BMPR1A: variants seen among roughly 807,000 people sequenced by gnomAD.
The protein encoded by BMPR1A is bone morphogenetic protein receptor type 1A.
A neutral mutation model predicts 66.0 loss-of-function variants in BMPR1A; 7 were observed. That is an observed-to-expected ratio of 0.11 (90% CI 0.06 to 0.20). BMPR1A has a LOEUF of 0.20. Ranked by LOEUF, BMPR1A falls within the 10% of genes least tolerant of loss-of-function variation. BMPR1A has a pLI of 1.00. For missense variants in BMPR1A, 408 were observed against 669.1 expected (o/e 0.61, Z 4.31); for synonymous variants, 200 against 229.7 (o/e 0.87, Z 1.17).
chr10:86,845,358 CTGAGACA>C (rs140454844), intron 2 of BMPR1A, among the ~76,000 whole-genome samples: 1,593 of 152,308 alleles, frequency 0.01, 28 homozygotes, highest in South Asian at 0.079. Context: ...GACAGGGAGC[CTGAGACA>C]TGCATGCACC....
intron 1 of BMPR1A, among the ~76,000 whole-genome samples, chr10:86,821,432 A>G (rs1478236163): frequency 2.0e-5 from 3 of 152,164 alleles, no homozygotes; most frequent in Non-Finnish European, 4.4e-5. Context: ...GCCGTCATTA[A>G]GCGTGTTGTA....
intron 1 of BMPR1A, among the ~76,000 whole-genome samples, chr10:86,824,105 G>GTGTGTT (rs1554882221): frequency 1.4e-5 from 2 of 147,278 alleles, no homozygotes; most frequent in South Asian, 2.2e-4. Flanking sequence ...GTGTGTGTGT[G>GTGTGTT]TGTGTGTTTC....
At chr10:86,757,181 G>A (rs919262844) in intron 1 of BMPR1A, among the ~76,000 whole-genome samples, 5 of 152,130 alleles carry the variant, frequency 3.3e-5, no homozygotes, top group Admixed American at 3.3e-4. Context: ...TTGGGGATGC[G>A]GAGTGGGCGA....
chr10:86,911,239 A>G (rs1033406806), intron 7 of BMPR1A, among the ~76,000 whole-genome samples: 1 of 152,088 alleles, frequency 6.6e-6, no homozygotes, highest in African/African-American at 2.4e-5. Flanking sequence ...AGACAAAAGC[A>G]TGTCAAAAAG....
intron 1 of BMPR1A, among the ~76,000 whole-genome samples, chr10:86,810,976 A>T (rs1233996869): frequency 6.6e-6 from 1 of 151,988 alleles, no homozygotes; most frequent in East Asian, 1.9e-4. Flanking sequence ...TAAACTCCTG[A>T]TCTCAGGTGA....
At chr10:86,923,157 A>G (rs1417290383) in intron 11 of BMPR1A, among the ~76,000 whole-genome samples, 1 of 152,236 alleles carries the variant, frequency 6.6e-6, no homozygotes, top group Non-Finnish European at 1.5e-5. Flanking sequence ...GATGGACTCT[A>G]TCACAGTTGT....
intron 1 of BMPR1A, among the ~76,000 whole-genome samples, chr10:86,759,901 A>G (rs975535739): frequency 6.6e-6 from 1 of 151,626 alleles, no homozygotes; most frequent in Non-Finnish European, 1.5e-5. Flanking sequence ...AATGTTTCAC[A>G]TTTTTTTCAG....
At chr10:86,917,735 C>T (rs1379203600) in intron 9 of BMPR1A, among the ~76,000 whole-genome samples, 1 of 152,210 alleles carries the variant, frequency 6.6e-6, no homozygotes, top group Non-Finnish European at 1.5e-5. Flanking sequence ...TCCACATTTA[C>T]ACAATAGCAA....
rs11202259 is a variant in BMPR1A at position 86,918,892 on chromosome 10, C to G, written c.869-280C>G. Among the ~76,000 whole-genome samples the G allele has an allele frequency of 0.015, 2,251 of 152,266 alleles. 56 individuals are homozygous for G. The highest frequency in any genetic ancestry group is 0.052 in the African/African-American group (2,146 of 41,558). ...CCTGCCTTGGCCTCCCAAAGTGATACAGGTGTGAGCCACCACACCCAGCAT... is the reference window on the plus strand; with the variant it reads ...CCTGCCTTGGCCTCCCAAAGTGATAGAGGTGTGAGCCACCACACCCAGCAT... On this transcript the variant is annotated intron_variant, in intron 9 of 12. Transcript: ENST00000372037.
At chr10:86,763,589 A>G (rs1016874140) in intron 1 of BMPR1A, among the ~76,000 whole-genome samples, 5 of 151,904 alleles carry the variant, frequency 3.3e-5, no homozygotes, top group Admixed American at 2.0e-4. Flanking sequence ...TGGCTGAAGA[A>G]TCACGCCAGC....
chr10:86,799,598 C>G (rs943288237), intron 1 of BMPR1A, among the ~76,000 whole-genome samples: 1 of 151,330 alleles, frequency 6.6e-6, no homozygotes, highest in African/African-American at 2.4e-5. Context: ...GTTGCCCAAG[C>G]TGGAGTGAAG....
intron 7 of BMPR1A, among the ~76,000 whole-genome samples, chr10:86,907,530 G>A (rs369060997): frequency 2.3e-3 from 343 of 151,506 alleles, no homozygotes; most frequent in African/African-American, 7.7e-3. Flanking sequence ...TCATTCCCCT[G>A]TGTTTAAGCA....
intron 5 of BMPR1A, among the ~76,000 whole-genome samples, chr10:86,897,032 T>G (rs575060473): frequency 6.6e-6 from 1 of 152,348 alleles, no homozygotes; most frequent in South Asian, 2.1e-4. Flanking sequence ...GGCCTCGCGT[T>G]CTTCCACTCC....
chr10:86,931,480 G>C (rs1232635998), downstream of BMPR1A: 13 of 151,012 alleles, frequency 8.6e-5, no homozygotes, highest in Admixed American at 8.6e-4. Flanking sequence ...TCCACTGAAA[G>C]ACCTACACTG....
chr10:86,798,978 AGATT>A, intron 1 of BMPR1A, among the ~76,000 whole-genome samples: 1 of 152,170 alleles, frequency 6.6e-6, no homozygotes, highest in Admixed American at 6.5e-5. Flanking sequence ...TTGTTTTTAG[AGATT>A]CTGGAAAGGA....
chr10:86,855,294 C>A (rs563692706), intron 2 of BMPR1A: 211 of 1,062,882 alleles, frequency 2.0e-4, no homozygotes, highest in Non-Finnish European at 1.3e-4. Context: ...CTTCTGTCTT[C>A]CACCCAATCA....
At chr10:86,919,073 A>G (rs906446908) in intron 9 of BMPR1A, 99 bp from the exon 10 acceptor site, 58 of 1,355,054 alleles carry the variant, frequency 4.3e-5, no homozygotes, top group Non-Finnish European at 5.6e-5. Flanking sequence ...CACTATCTGC[A>G]CATGATACCT....
chr10:86,762,613 C>T (rs1270668206), intron 1 of BMPR1A, among the ~76,000 whole-genome samples: 1 of 152,190 alleles, frequency 6.6e-6, no homozygotes, highest in Non-Finnish European at 1.5e-5. Flanking sequence ...TCCGCCTTGG[C>T]CTCCCAAAGT....
At chr10:86,916,424 C>A (rs1462584927) in intron 8 of BMPR1A, among the ~76,000 whole-genome samples, 2 of 152,186 alleles carry the variant, frequency 1.3e-5, no homozygotes, top group Admixed American at 6.5e-5. Flanking sequence ...GTTCATGCTG[C>A]CATTATTTTT....
Sources: gnomAD v4.1 joint callset for allele counts (sites outside exome capture counted in the v4.1 genomes callset) on GRCh38, gnomAD v4.1.1 for gene constraint, MANE v1.5 for transcripts, NCBI Gene and HGNC (gene_info 2026-07-23, HGNC 2026-07-21) for gene names.